The following PCDH15 variants were observed in gnomAD, a reference collection of about 807,000 sequenced individuals.
PCDH15 encodes protocadherin-15.
PCDH15 carries 129 observed loss-of-function variants against 178.5 expected under a neutral mutation model. That is an observed-to-expected ratio of 0.72 (90% CI 0.63 to 0.84). The LOEUF is 0.84. Among genes scored for constraint, PCDH15 ranks in the 40% least tolerant of loss-of-function variants. The pLI is 0.00. For missense variants in PCDH15, 2,230 were observed against 2,099.9 expected, an observed-to-expected ratio of 1.06 and a Z score of -1.21; for synonymous variants, 800 against 732.0, an observed-to-expected ratio of 1.09 and a Z score of -1.50.
intron 1 of PCDH15, among the ~76,000 whole-genome samples, chr10:54,710,483 A>G (rs892849749): frequency 6.6e-6 from 1 of 152,024 alleles, no homozygotes; most frequent in Non-Finnish European, 1.5e-5. Context: ...TTAGAATAGC[A>G]GTATATTATG....
At chr10:53,835,166 G>A in intron 29 of PCDH15, among the ~76,000 whole-genome samples, 1 of 152,054 alleles carries the variant, frequency 6.6e-6, no homozygotes, top group African/African-American at 2.4e-5. Flanking sequence ...TTTTTACTTA[G>A]AACATTGAAA....
intron 18 of PCDH15, among the ~76,000 whole-genome samples, chr10:54,066,496 GA>G (rs1452393940): frequency 6.6e-6 from 1 of 152,042 alleles, no homozygotes; most frequent in African/African-American, 2.4e-5. Flanking sequence ...TTTAATTTCA[GA>G]AACTAAAAAT....
chr10:55,057,156 T>C (rs1841326869), intron 2 of PCDH15, among the ~76,000 whole-genome samples: 1 of 152,170 alleles, frequency 6.6e-6, no homozygotes, highest in African/African-American at 2.4e-5. Context: ...CTGTAGAGAC[T>C]CCTGGGTCCA....
intron 2 of PCDH15, among the ~76,000 whole-genome samples, chr10:54,646,097 CTCTTT>C (rs1264012479): frequency 2.0e-5 from 3 of 152,064 alleles, no homozygotes; most frequent in Non-Finnish European, 4.4e-5. Context: ...TCCTCTGTTT[CTCTTT>C]TCTTTGTTTA....
At chr10:54,273,982 G>T (rs2058197814) in intron 8 of PCDH15, among the ~76,000 whole-genome samples, 1 of 151,964 alleles carries the variant, frequency 6.6e-6, no homozygotes, top group South Asian at 2.1e-4. Context: ...CTTGTTCTTT[G>T]CAGGGATGTG....
intron 5 of PCDH15, among the ~76,000 whole-genome samples, chr10:54,359,660 A>C (rs947123932): frequency 6.6e-6 from 1 of 152,084 alleles, no homozygotes; most frequent in African/African-American, 2.4e-5. Context: ...CAACAAATTT[A>C]ATAAGATATA....
chr10:54,644,235 A>G (rs2094068768), intron 2 of PCDH15, among the ~76,000 whole-genome samples: 1 of 150,946 alleles, frequency 6.6e-6, no homozygotes, highest in Non-Finnish European at 1.5e-5. Flanking sequence ...TAGTCAACAA[A>G]TAGATGAATT....
At chr10:54,554,810 A>G (rs921805743) in intron 2 of PCDH15, among the ~76,000 whole-genome samples, 2 of 152,148 alleles carry the variant, frequency 1.3e-5, no homozygotes, top group African/African-American at 2.4e-5. Context: ...TGACAAACAG[A>G]ACTCCAATTC....
intron 2 of PCDH15, among the ~76,000 whole-genome samples, chr10:55,523,758 T>C (rs1841239211): frequency 6.6e-6 from 1 of 151,614 alleles, no homozygotes; most frequent in African/African-American, 2.4e-5. Context: ...CTAATCAAGG[T>C]AGAAAAGTTG....
chr10:54,200,178 T>C (rs960470915), intron 10 of PCDH15, among the ~76,000 whole-genome samples: 3 of 151,734 alleles, frequency 2.0e-5, no homozygotes, highest in Admixed American at 2.0e-4. Flanking sequence ...TGGTAAAGCT[T>C]ATCAAATTAT....
chr10:54,491,805 C>T lies in PCDH15; in HGVS notation c.157+36007G>A, dbSNP rs141894759. 3.1e-3 allele frequency among the ~76,000 whole-genome samples: 468 copies of T among 152,016 alleles called. 2 individuals carry two copies. The highest frequency in any genetic ancestry group is 0.011 in the African/African-American group (440 of 41,470). ...AGTCAAAATTCTGGTCTTTGCTATC[C>T]CTTTTAGGAATATATGGTAAAAGTT... On this transcript the variant is annotated intron_variant, in intron 3 of 37. Transcript: ENST00000644397.
At chr10:54,140,710 A>G (rs1333681325) in intron 14 of PCDH15, among the ~76,000 whole-genome samples, 1 of 143,432 alleles carries the variant, frequency 7.0e-6, no homozygotes, top group Non-Finnish European at 1.5e-5. Context: ...CTCGTGATCC[A>G]CTCTCCGTTG....
At chr10:54,227,468 TG>T (rs1005632662) in intron 9 of PCDH15, among the ~76,000 whole-genome samples, 7 of 152,170 alleles carry the variant, frequency 4.6e-5, no homozygotes, top group African/African-American at 1.7e-4. Context: ...ATGGGGATCC[TG>T]GGCCCAGCCC....
At chr10:54,169,308 C>G (rs530205117) in intron 13 of PCDH15, among the ~76,000 whole-genome samples, 24 of 71,548 alleles carry the variant, frequency 3.4e-4, no homozygotes, top group Non-Finnish European at 4.0e-4. Context: ...GGAAGGTAAG[C>G]CCGTCCCCTT....
intron 2 of PCDH15, among the ~76,000 whole-genome samples, chr10:54,548,698 G>T (rs1055831739): frequency 1.3e-5 from 2 of 148,478 alleles, no homozygotes; most frequent in East Asian, 2.0e-4. Context: ...AACATTGCTT[G>T]GTTCAATTTG....
intron 8 of PCDH15, among the ~76,000 whole-genome samples, chr10:54,266,136 C>G (rs1033154349): frequency 7.6e-6 from 1 of 131,346 alleles, no homozygotes; most frequent in East Asian, 2.0e-4. Context: ...AACTCTAAAA[C>G]GCAGACACAA....
In PCDH15 at chr10:55,236,408, A is replaced by G. The variant is rs564448188; in HGVS notation, c.-155-69757T>C. ...AAGAGACCTTTCTGAAAATACATAC[A>G]CTTACACCCTTCACCATCATAATAC... On this transcript the variant is annotated intron_variant, in intron 1 of 5. Transcript: ENST00000458638. Among the ~76,000 whole-genome samples, 4 of 152,186 alleles carry G rather than the reference A, an allele frequency of 2.6e-5. No homozygotes were observed. In the East Asian group the frequency reaches 7.7e-4, roughly 29 times the overall value.
chr10:55,589,351 A>C (rs1342745360), intron 2 of PCDH15, among the ~76,000 whole-genome samples: 3 of 152,140 alleles, frequency 2.0e-5, no homozygotes, highest in African/African-American at 7.2e-5. Flanking sequence ...GGTTTGTCAA[A>C]GATCAGTAGT....
intron 2 of PCDH15, among the ~76,000 whole-genome samples, chr10:55,576,218 T>C (rs1380375523): frequency 6.6e-6 from 1 of 152,206 alleles, no homozygotes; most frequent in African/African-American, 2.4e-5. Context: ...ATATCATATG[T>C]ATTATTAATA....
Sources: allele counts gnomAD v4.1 joint callset (sites outside exome capture counted in the v4.1 genomes callset), GRCh38; gene constraint gnomAD v4.1.1; transcripts MANE v1.5; gene names NCBI Gene and HGNC (gene_info 2026-07-23, HGNC 2026-07-21).